ERBB4: variants seen among roughly 807,000 people sequenced by gnomAD.
ERBB4 encodes the protein erb-b2 receptor tyrosine kinase 4, also known as receptor tyrosine-protein kinase erbB-4.
ERBB4 carries 42 observed loss-of-function variants against 158.0 expected under a neutral mutation model. The ratio of observed to expected loss-of-function variants is 0.27; its 90% CI spans 0.21 to 0.34. ERBB4 has a LOEUF of 0.34. Ranked by LOEUF, ERBB4 falls within the 10% of genes least tolerant of loss-of-function variation. The pLI is 1.00. For synonymous variants in ERBB4, 583 were observed against 558.7 expected, an observed-to-expected ratio of 1.04 and a Z score of -0.61; for missense variants, 1,333 against 1,624.1, an observed-to-expected ratio of 0.82 and a Z score of 3.08.
At chr2:212,347,109 C>T (rs1574736651) in intron 1 of ERBB4, among the ~76,000 whole-genome samples, 1 of 152,028 alleles carries the variant, frequency 6.6e-6, no homozygotes, top group Admixed American at 6.6e-5. Flanking sequence ...GGGAAAAATG[C>T]TTTGGCAATC....
At chr2:211,787,339 T>C (rs570656571) in intron 4 of ERBB4, among the ~76,000 whole-genome samples, 1 of 152,282 alleles carries the variant, frequency 6.6e-6, no homozygotes, top group East Asian at 1.9e-4. Flanking sequence ...TTTTCAAAGG[T>C]TTAAATCATG....
intron 2 of ERBB4, among the ~76,000 whole-genome samples, chr2:212,111,656 C>T (rs1319017840): frequency 6.6e-6 from 1 of 151,350 alleles, no homozygotes; most frequent in East Asian, 1.9e-4. Context: ...AATTAACTCA[C>T]ATTTTGTTTC....
chr2:212,028,559 A>C, intron 2 of ERBB4, among the ~76,000 whole-genome samples: 1 of 152,090 alleles, frequency 6.6e-6, no homozygotes, highest in East Asian at 1.9e-4. Flanking sequence ...TCGTTGTTCC[A>C]TTCTAGGCAG....
At chr2:211,886,139 G>GAT (rs2078794756) in intron 3 of ERBB4, among the ~76,000 whole-genome samples, 1 of 152,080 alleles carries the variant, frequency 6.6e-6, no homozygotes, top group South Asian at 2.1e-4. Context: ...CTCTGTCTTA[G>GAT]ATACACTCAT....
At position 211,892,540 on chromosome 2, in the gene ERBB4, G is replaced by A. The variant is rs2078995653; in HGVS notation, c.421+54890C>T. Among the ~76,000 whole-genome samples, 2 of 141,662 alleles carry A rather than the reference G, an allele frequency of 1.4e-5. 1 individual carries two copies. The highest frequency in any genetic ancestry group is 3.0e-5 in the Non-Finnish European group (2 of 65,644). 92.9% of individuals were successfully genotyped at this position (141,662 alleles called of 152,430 possible). On this transcript the variant is annotated intron_variant, in intron 3 of 27. Coordinates refer to ENST00000342788, the MANE Select transcript of ERBB4 (RefSeq NM_005235.3). The stretch of plus-strand genomic sequence containing the variant: ...TCTCACCACTCCAATTCAACATAGT[G>A]TTGGAAGTTCTGGCCAGGGCAATTA...
chr2:211,683,251 A>G (rs2072428060), intron 12 of ERBB4, among the ~76,000 whole-genome samples: 1 of 152,106 alleles, frequency 6.6e-6, no homozygotes, highest in Admixed American at 6.6e-5. Context: ...ATTGGCATTG[A>G]TATAGGCAAA....
chr2:212,535,225 A>G (rs1330878255), intron 1 of ERBB4, among the ~76,000 whole-genome samples: 1 of 152,008 alleles, frequency 6.6e-6, no homozygotes, highest in East Asian at 1.9e-4. Context: ...ACCTTCTTCT[A>G]AAAAGCCCCC....
At chr2:211,388,543 T>G (rs1260621027) in intron 25 of ERBB4, among the ~76,000 whole-genome samples, 1 of 151,998 alleles carries the variant, frequency 6.6e-6, no homozygotes, top group African/African-American at 2.4e-5. Flanking sequence ...AGGTATATGC[T>G]ATTTTATCTT....
chr2:212,390,989 T>C (rs1560192253), intron 1 of ERBB4, among the ~76,000 whole-genome samples: 1 of 151,852 alleles, frequency 6.6e-6, no homozygotes, highest in Non-Finnish European at 1.5e-5. Context: ...TTTAGCTCTC[T>C]GATGAAATTC....
At chr2:211,392,601 C>CACACACACACA (rs1559122671) in intron 25 of ERBB4, among the ~76,000 whole-genome samples, 1 of 134,118 alleles carries the variant, frequency 7.5e-6, no homozygotes, top group African/African-American at 2.6e-5. Flanking sequence ...CACACACACA[C>CACACACACACA]CCCAATAATG....
intron 3 of ERBB4, among the ~76,000 whole-genome samples, chr2:211,882,993 A>G (rs2078702487): frequency 6.6e-6 from 1 of 152,212 alleles, no homozygotes; most frequent in South Asian, 2.1e-4. Context: ...TGCTATAAAG[A>G]CACATGCACA....
At chr2:211,555,197 T>A (rs2067204166) in intron 20 of ERBB4, among the ~76,000 whole-genome samples, 1 of 152,154 alleles carries the variant, frequency 6.6e-6, no homozygotes, top group African/African-American at 2.4e-5. Context: ...TTTTCTTTTT[T>A]TTTTTGAGAC....
chr2:212,399,565 TATATATATATATATATATATTG>T (rs1364293297), intron 1 of ERBB4, among the ~76,000 whole-genome samples: 2 of 25,422 alleles, frequency 7.9e-5, no homozygotes, highest in African/African-American at 8.2e-4. Context: ...TATATATATA[TATATATATATATATATATATTG>T]GGCGTGGTGT....
At chr2:211,416,600 C>T (rs918698629) in intron 25 of ERBB4, among the ~76,000 whole-genome samples, 1 of 152,154 alleles carries the variant, frequency 6.6e-6, no homozygotes, top group Non-Finnish European at 1.5e-5. Flanking sequence ...CTAGTAACAA[C>T]CCAGGAAGCT....
At chr2:212,179,256 C>T (rs986288196) in intron 1 of ERBB4, among the ~76,000 whole-genome samples, 5 of 151,050 alleles carry the variant, frequency 3.3e-5, no homozygotes, top group African/African-American at 9.7e-5. Context: ...GATGACTCTT[C>T]GAGGAGGACA....
At position 211,562,769 on chromosome 2, in the gene ERBB4, CTTTT is replaced by C. The variant is rs367801279; in HGVS notation, c.2302-685_2302-682del. On this transcript the variant is annotated intron_variant, in intron 19 of 27. Transcript: ENST00000342788. ...GACTATAAAAATTTGACTACTCCAA[CTTTT>C]TTTTTTTTTTTTTTTTGAGACGGAG... is the stretch of plus-strand genomic sequence containing the variant. 8.8e-4 allele frequency among the ~76,000 whole-genome samples: 110 copies of C among 125,700 alleles called. 3 individuals carry two copies. Among genetic ancestry groups the C allele is most frequent in the African/African-American group, 2.9e-3 (82 of 28,294 alleles). 82.5% of individuals were successfully genotyped at this position (125,700 alleles called of 152,430 possible).
intron 1 of ERBB4, among the ~76,000 whole-genome samples, chr2:212,516,180 CAT>C (rs937754273): frequency 5.9e-5 from 9 of 151,856 alleles, no homozygotes; most frequent in South Asian, 2.1e-4. Flanking sequence ...TATTTACAAA[CAT>C]GTGCAAAATG....
At chr2:212,176,428 C>A (rs146064676) in intron 1 of ERBB4, among the ~76,000 whole-genome samples, 15 of 151,956 alleles carry the variant, frequency 9.9e-5, no homozygotes, top group African/African-American at 3.6e-4. Context: ...CCTGTAGACA[C>A]GCAGCAAGAA....
At chr2:211,461,941 C>T (rs937668210) in intron 20 of ERBB4, among the ~76,000 whole-genome samples, 7 of 151,600 alleles carry the variant, frequency 4.6e-5, no homozygotes, top group African/African-American at 1.7e-4. Flanking sequence ...TGGATAATTA[C>T]GTCGGTGCAA....
Sources: gnomAD v4.1 joint callset for allele counts (sites outside exome capture counted in the v4.1 genomes callset) on GRCh38, gnomAD v4.1.1 for gene constraint, MANE v1.5 for transcripts, NCBI Gene and HGNC (gene_info 2026-07-23, HGNC 2026-07-21) for gene names.